The following ADGRD1 variants were observed in gnomAD, a reference collection of about 807,000 sequenced individuals.
ADGRD1 encodes adhesion G protein-coupled receptor D1.
In ADGRD1, 77 loss-of-function variants were observed where a neutral mutation model predicts 113.4. The ratio of observed to expected loss-of-function variants is 0.68; its 90% CI spans 0.57 to 0.82. ADGRD1 has a LOEUF of 0.82. Ranked by LOEUF, ADGRD1 falls within the 40% of genes least tolerant of loss-of-function variation. The probability of loss-of-function intolerance (pLI) is 0.00; values close to 1 mark genes in which losing one functional copy is unlikely to be tolerated. For synonymous variants in ADGRD1, 474 were observed against 475.0 expected (o/e 1.00, Z 0.03); for missense variants, 1,036 against 1,139.1 (o/e 0.91, Z 1.30).
intron 13 of ADGRD1, among the ~76,000 whole-genome samples, chr12:131,051,877 A>AGAATT (rs1280505837): frequency 8.5e-5 from 13 of 152,168 alleles, no homozygotes; most frequent in African/African-American, 2.9e-4. Flanking sequence ...AGAGTGGTGG[A>AGAATT]GAATTGAATT....
intron 13 of ADGRD1, among the ~76,000 whole-genome samples, chr12:131,074,088 C>T (rs1167756389): frequency 3.3e-5 from 5 of 152,204 alleles, no homozygotes; most frequent in Non-Finnish European, 7.3e-5. Context: ...TTTCTTCTCT[C>T]TGCATGTATC....
chr12:130,982,868 T>C (rs943568974), intron 5 of ADGRD1, among the ~76,000 whole-genome samples: 6 of 151,672 alleles, frequency 4.0e-5, no homozygotes, highest in African/African-American at 1.2e-4. Context: ...CAGGGTGGCA[T>C]GGAGTGGGGG....
At chr12:131,079,638 A>G (rs2141189) in intron 14 of ADGRD1, among the ~76,000 whole-genome samples, 1 of 152,076 alleles carries the variant, frequency 6.6e-6, no homozygotes, top group South Asian at 2.1e-4. Context: ...TCAACTACAC[A>G]TTCAGTTTCT....
intron 13 of ADGRD1, among the ~76,000 whole-genome samples, chr12:131,033,361 A>C (rs572610453): frequency 7.9e-5 from 12 of 152,326 alleles, no homozygotes; most frequent in African/African-American, 2.9e-4. Flanking sequence ...CCCCACAAGC[A>C]CTGCCCAAGC....
intron 15 of ADGRD1, among the ~76,000 whole-genome samples, chr12:131,093,126 A>T (rs1887027166): frequency 6.6e-6 from 1 of 151,954 alleles, no homozygotes; most frequent in Admixed American, 6.5e-5. Context: ...CTTGGTGGGA[A>T]AGTGACATAT....
intron 18 of ADGRD1, among the ~76,000 whole-genome samples, chr12:131,115,793 G>A (rs1473594277): frequency 6.6e-6 from 1 of 152,122 alleles, no homozygotes; most frequent in East Asian, 1.9e-4. Flanking sequence ...GTCTGAGCTG[G>A]TTGATGATAC....
intron 14 of ADGRD1, among the ~76,000 whole-genome samples, chr12:131,077,480 C>T (rs944629989): frequency 5.9e-5 from 9 of 152,218 alleles, no homozygotes; most frequent in African/African-American, 1.9e-4. Context: ...CCACGGCTCA[C>T]CTGCCCAATG....
At chr12:131,032,234 C>G (rs1339747531) in intron 13 of ADGRD1, among the ~76,000 whole-genome samples, 2 of 152,292 alleles carry the variant, frequency 1.3e-5, no homozygotes, top group South Asian at 4.1e-4. Context: ...CGTTCCCTCT[C>G]CACCCTGGCG....
At chr12:131,117,535 A>G (rs190034892) in intron 18 of ADGRD1, among the ~76,000 whole-genome samples, 192 of 152,284 alleles carry the variant, frequency 1.3e-3, no homozygotes, top group African/African-American at 4.5e-3. Context: ...CGTAGAAAAG[A>G]GAGTTTCTTC....
intron 19 of ADGRD1, among the ~76,000 whole-genome samples, chr12:131,119,518 C>G (rs1950542103): frequency 6.6e-6 from 1 of 152,210 alleles, no homozygotes; most frequent in African/African-American, 2.4e-5. Flanking sequence ...AGTCCTGAGT[C>G]CCGGGGTCTG....
chr12:131,042,509 C>G (rs948325229), intron 13 of ADGRD1, among the ~76,000 whole-genome samples: 7 of 152,266 alleles, frequency 4.6e-5, no homozygotes, highest in Non-Finnish European at 8.8e-5. Flanking sequence ...ATCCAGCAGA[C>G]ACCGCTCCTG....
chr12:131,105,725 C>T (rs1274131447), intron 16 of ADGRD1, 29 bp from the exon 17 acceptor site: 4 of 1,564,456 alleles, frequency 2.6e-6, no homozygotes, highest in African/African-American at 2.7e-5. Flanking sequence ...GCGCAGGGCC[C>T]AGGCCTCACA....
At chr12:131,117,221 CTTCT>C (rs539642670) in intron 18 of ADGRD1, among the ~76,000 whole-genome samples, 333 of 152,272 alleles carry the variant, frequency 2.2e-3, no homozygotes, top group Non-Finnish European at 3.7e-3. Flanking sequence ...GTGGGCCTCC[CTTCT>C]ATCACCACCC....
chr12:131,090,376 G>A (rs1219324032), intron 15 of ADGRD1, among the ~76,000 whole-genome samples: 2 of 91,330 alleles, frequency 2.2e-5, no homozygotes, highest in East Asian at 6.7e-4. Flanking sequence ...CCCTGGGCTC[G>A]CACTGCTGGT....
intron 13 of ADGRD1, among the ~76,000 whole-genome samples, chr12:131,044,515 C>A (rs886771401): frequency 7.2e-5 from 11 of 152,138 alleles, no homozygotes; most frequent in African/African-American, 2.7e-4. Flanking sequence ...TAAAAGTGGC[C>A]CTCTGAAAAT....
intron 13 of ADGRD1, among the ~76,000 whole-genome samples, chr12:131,037,076 A>G (rs1194928715): frequency 7.2e-6 from 1 of 139,622 alleles, no homozygotes; most frequent in Non-Finnish European, 1.5e-5. Context: ...CACTCACTGC[A>G]CCGGGTCTCA....
rs556806497 is a variant in ADGRD1 at position 130,966,681 on chromosome 12, C to T, written c.187+135C>T. 26 of 662,814 alleles carry T rather than the reference C, an allele frequency of 3.9e-5. No individual in the cohort carries two copies. The highest frequency in any genetic ancestry group is 9.5e-5 in the Admixed American group (4 of 42,270). The allele number at this position is 662,814 out of a possible 1,614,324, so 41.1% of individuals were successfully genotyped here. A position where few individuals can be genotyped will look rare whatever the true frequency, so the allele number is the denominator to read the frequency against. On this transcript the variant is annotated intron_variant, in intron 3 of 24. Coordinates refer to ENST00000261654, the MANE Select transcript of ADGRD1 (RefSeq NM_198827.5). This position sits in a 1 kb window ranked among gnomAD's most constrained non-coding sequence, Gnocchi z 4.6. ...GTGGGTGCTGAGAGTGACTGTGGGC[C>T]GGGGAATCCCAGGGCCATCGGGGAG...
In ADGRD1 at chr12:131,109,458, A is replaced by G. The variant is rs898077628; in HGVS notation, c.2041+581A>G. ...TGTTTTGTGTCTTCATTTTAAATTC[A>G]TCTCAAAGTATTTTCAAATTTATTT... On this transcript the variant is annotated intron_variant, in intron 18 of 24. Coordinates refer to ENST00000261654, the MANE Select transcript of ADGRD1 (RefSeq NM_198827.5). Among the ~76,000 whole-genome samples the G allele has an allele frequency of 6.6e-5, 10 of 152,298 alleles. No individual in the cohort carries two copies. The East Asian group carries it at 1.7e-3, about 26-fold the overall frequency.
intron 23 of ADGRD1, chr12:131,137,251 C>A: frequency 3.4e-6 from 2 of 591,042 alleles, no homozygotes; most frequent in East Asian, 2.9e-5. Flanking sequence ...GAATTGGCGA[C>A]TGCATCTTAG....
Sources: gnomAD v4.1 joint callset for allele counts (sites outside exome capture counted in the v4.1 genomes callset) on GRCh38, gnomAD v4.1.1 for gene constraint, Gnocchi (gnomAD v3.1) non-coding constraint, MANE v1.5 for transcripts, NCBI Gene and HGNC (gene_info 2026-07-23, HGNC 2026-07-21) for gene names.